The following CA14 variants were observed in gnomAD, a reference collection of about 807,000 sequenced individuals.
CA14 encodes carbonic anhydrase 14, also known as CA-XIV.
A neutral mutation model predicts 48.8 loss-of-function variants in CA14; 44 were observed. The observed-to-expected ratio is 0.90, with a 90% CI of 0.71 to 1.16. The LOEUF (loss-of-function observed/expected upper bound fraction) is 1.16, where lower values mean the gene tolerates loss of function less well. Among genes scored for constraint, CA14 ranks in the 50% most tolerant of loss-of-function variants. CA14 has a pLI of 0.00. For synonymous variants in CA14, 154 were observed against 155.0 expected (o/e 0.99, Z 0.05); for missense variants, 386 against 401.0 (o/e 0.96, Z 0.32).
At chr1:150,258,984 C>G (rs941323105) in intron 1 of CA14, among the ~76,000 whole-genome samples, 1 of 151,956 alleles carries the variant, frequency 6.6e-6, no homozygotes, top group Non-Finnish European at 1.5e-5. Flanking sequence ...AATGGAGAGT[C>G]ACAAATCTCA....
chr1:150,264,799 G>A lies in CA14; in HGVS notation c.*140G>A, dbSNP rs782731770. On this transcript the variant is annotated 3_prime_UTR_variant, in exon 11 of 11. Transcript: ENST00000369111. ...CTCCTTCCCCTGGACATCTCCTAGA[G>A]AGGAATGGACCCAGGCTGTCATTCC... 7.0e-6 allele frequency: 4 copies of A among 573,048 alleles called. No homozygotes were observed. Among genetic ancestry groups the A allele is most frequent in the East Asian group, 3.0e-5 (1 of 33,246 alleles). The allele number at this position is 573,048 out of a possible 1,614,324, so 35.5% of individuals were successfully genotyped here. A position where few individuals can be genotyped will look rare whatever the true frequency, so the allele number is the denominator to read the frequency against.
At chr1:150,263,912 C>CTTTTTTT (rs201259406) in intron 10 of CA14, 34 bp downstream of exon 10, 3 of 998,084 alleles carry the variant, frequency 3.0e-6, no homozygotes, top group African/African-American at 4.2e-5. Flanking sequence ...CCAGTCCCTT[C>CTTTTTTT]TTCTTTTTTT....
At chr1:150,260,721 A>C in intron 2 of CA14, 1 of 158,400 alleles carries the variant, frequency 6.3e-6, no homozygotes, top group Middle Eastern at 3.1e-3. Context: ...GCCACTTGAT[A>C]GGGGCCTCCA....
In CA14 at chr1:150,264,613, G is replaced by A. The variant is rs781853765; in HGVS notation, c.968G>A (p.Arg323Gln). Residue 323 changes from arginine to glutamine, a missense_variant, in exon 11 of 11, where the codon CGA (arginine) becomes CAA (glutamine). Transcript: ENST00000369111. The stretch of plus-strand genomic sequence containing the variant: ...TCCAGGAAGAAGAGGCTGGAAAACC[G>A]AAAGAGTGTGGTCTTCACCTCAGCA... Reference protein sequence around the residue: ...RKIRKKRLENRKSVVFTSAQA... With the variant: ...RKIRKKRLENQKSVVFTSAQA... The A allele has an allele frequency of 5.0e-5, 80 of 1,611,830 alleles. No individual in the cohort carries two copies. Among genetic ancestry groups the A allele is most frequent in the Admixed American group, 8.3e-5 (5 of 59,934 alleles).
intron 10 of CA14, among the ~76,000 whole-genome samples, chr1:150,264,392 G>T (rs1340030425): frequency 6.8e-6 from 1 of 147,400 alleles, no homozygotes; most frequent in African/African-American, 2.5e-5. Flanking sequence ...TAGCAGAGAC[G>T]GGTTTTCACT....
chr1:150,264,506 T>G lies in CA14; in HGVS notation c.948-87T>G. On this transcript the variant is annotated intron_variant, in intron 10 of 10. Transcript: ENST00000369111. ...GTGTGAAACACCTTGCCCAGCCCTCTTTTCTGTTAAAAAGCATTCTCCTAT... is the reference window on the plus strand; with the variant it reads ...GTGTGAAACACCTTGCCCAGCCCTCGTTTCTGTTAAAAAGCATTCTCCTAT... 8.6e-6 allele frequency: 7 copies of G among 810,746 alleles called. No individual in the cohort carries two copies. The South Asian group carries it at 9.1e-5, about 11-fold the overall frequency. 50.2% of individuals were successfully genotyped at this position (810,746 alleles called of 1,614,324 possible).
At chr1:150,260,196 A>C in intron 2 of CA14, 25 bp downstream of exon 2, 1 of 1,613,234 alleles carries the variant, frequency 6.2e-7, no homozygotes. Context: ...AGGCCTCCCG[A>C]CAACCCTTTC....
chr1:150,259,316 C>A (rs1247843447), intron 1 of CA14, among the ~76,000 whole-genome samples: 5 of 152,174 alleles, frequency 3.3e-5, no homozygotes, highest in Non-Finnish European at 7.3e-5. Context: ...TCGTTTTCTT[C>A]TTGAGGCAGT....
rs373289548 is a variant in CA14, at chr1:150,261,112, A to G, written c.77-347A>G. On this transcript the variant is annotated intron_variant, in intron 2 of 10. Transcript: ENST00000369111. ...TTTTCTACTCCTACTCTCTAATCCC[A>G]TCTCTCAGGGTATTCAGGTTTTCTA... 17 of 251,710 alleles carry G rather than the reference A, an allele frequency of 6.8e-5. No homozygotes were observed. In the East Asian group the frequency reaches 8.1e-4, roughly 12 times the overall value. 15.6% of individuals were successfully genotyped at this position (251,710 alleles called of 1,614,324 possible). A position where few individuals can be genotyped will look rare whatever the true frequency, so the allele number is the denominator to read the frequency against.
rs374163690 is a variant in CA14 at position 150,263,680 on chromosome 1, G to A, written c.862+1G>A. On this transcript the variant is annotated splice_donor_variant, in intron 9 of 10. Coordinates refer to ENST00000369111, the MANE Select transcript of CA14 (RefSeq NM_012113.3). LOFTEE classifies it high-confidence loss of function. ...ACAGCAGGATCCTCGTATACCACAG[G>A]TAAGCCAGCCTTATAAGATAATGCG... is the stretch of plus-strand genomic sequence containing the variant. 7.9e-5 allele frequency: 128 copies of A among 1,613,906 alleles called. No individual in the cohort carries two copies. The highest frequency in any genetic ancestry group is 4.1e-4 in the South Asian group (37 of 91,084).
In CA14 at chr1:150,258,078, A is replaced by G. The variant is rs782653031; in HGVS notation, c.-51A>G. On this transcript the variant is annotated 5_prime_UTR_variant, in exon 1 of 11. Coordinates refer to ENST00000369111, the MANE Select transcript of CA14 (RefSeq NM_012113.3). ...CCCTCCCTCTCTCTCTGCCTGTCCT[A>G]GTCCTCTAGTCCTCAAATTCCCAGT... The G allele has an allele frequency of 2.5e-5, 36 of 1,437,974 alleles. No individual in the cohort carries two copies. The highest frequency in any genetic ancestry group is 3.3e-5 in the Non-Finnish European group (34 of 1,035,792). The allele number at this position is 1,437,974 out of a possible 1,614,324, so 89.1% of individuals were successfully genotyped here.
At chr1:150,262,055 G>T in intron 3 of CA14, 103 bp from the exon 4 acceptor site, 1 of 1,390,800 alleles carries the variant, frequency 7.2e-7, no homozygotes, top group East Asian at 2.3e-5. Flanking sequence ...TACTGGGGGA[G>T]AAAACTGGAA....
At chr1:150,260,209 ACT>A (rs1553847503) in intron 2 of CA14, 38 bp downstream of exon 2, 4 of 1,607,534 alleles carry the variant, frequency 2.5e-6, no homozygotes, top group Non-Finnish European at 3.4e-6. Context: ...ACCCTTTCAC[ACT>A]GGGACCTCCT....
At chr1:150,261,095 T>A (rs1650993309) in intron 2 of CA14, 2 of 204,654 alleles carry the variant, frequency 9.8e-6, no homozygotes, top group African/African-American at 4.6e-5. Flanking sequence ...ATTTTTCTAC[T>A]CCTACTCTCT....
chr1:150,263,560 G>GT (rs1651290304), intron 8 of CA14, 99 bp from the exon 9 acceptor site: 5 of 1,611,126 alleles, frequency 3.1e-6, no homozygotes, highest in Admixed American at 3.3e-5. Flanking sequence ...CCACCCCAGG[G>GT]TGCCCCCGGG....
intron 5 of CA14, 80 bp from the exon 6 acceptor site, chr1:150,262,724 C>A: frequency 7.2e-7 from 1 of 1,383,910 alleles, no homozygotes; most frequent in Non-Finnish European, 1.0e-6. Context: ...GCAGCCCACC[C>A]TGACCATTTA....
At position 150,264,620 on chromosome 1, in the gene CA14, T is replaced by C. The variant is rs149477256; in HGVS notation, c.975T>C (p.Ser325=). The change falls in exon 11 of 11, where the codon AGT becomes AGC. Residue 325 remains serine (S), a synonymous_variant. Transcript: ENST00000369111. ...AGAAGAGGCTGGAAAACCGAAAGAG[T>C]GTGGTCTTCACCTCAGCACAAGCCA... The part of the protein sequence containing the change: ...IRKKRLENRK[S]VVFTSAQATT... The C allele has an allele frequency of 6.2e-7, 1 of 1,612,534 alleles. No individual in the cohort carries two copies. The highest frequency in any genetic ancestry group is 2.2e-5 in the East Asian group (1 of 44,854).
At chr1:150,263,458 G>A (rs1195148749) in intron 8 of CA14, 39 bp downstream of exon 8, 5 of 1,611,152 alleles carry the variant, frequency 3.1e-6, no homozygotes, top group Non-Finnish European at 4.2e-6. Flanking sequence ...GAAACTGAGG[G>A]GGACACAATG....
chr1:150,261,883 T>C (rs3850839), intron 3 of CA14, among the ~76,000 whole-genome samples: 1 of 152,010 alleles, frequency 6.6e-6, no homozygotes, highest in African/African-American at 2.4e-5. Flanking sequence ...TGTCCATGAA[T>C]TTGGAGATAT....
Sources: allele counts gnomAD v4.1 joint callset (sites outside exome capture counted in the v4.1 genomes callset), GRCh38; gene constraint gnomAD v4.1.1; transcripts MANE v1.5; gene names NCBI Gene and HGNC (gene_info 2026-07-23, HGNC 2026-07-21).